NUP205: variants seen among roughly 807,000 people sequenced by gnomAD.
NUP205 encodes the protein nucleoporin 205, also known as nuclear pore complex protein Nup205.
A neutral mutation model predicts 253.8 loss-of-function variants in NUP205; 76 were observed. The ratio of observed to expected loss-of-function variants is 0.30; its 90% CI spans 0.25 to 0.36. The LOEUF (loss-of-function observed/expected upper bound fraction) is 0.36. Ranked by LOEUF, NUP205 falls within the 10% of genes least tolerant of loss-of-function variation. The probability of loss-of-function intolerance (pLI) is 1.00; values close to 1 mark genes in which losing one functional copy is unlikely to be tolerated. For synonymous variants in NUP205, 832 were observed against 850.1 expected (o/e 0.98, Z 0.37); for missense variants, 2,162 against 2,425.5 (o/e 0.89, Z 2.28).
At chr7:135,614,059 C>G in intron 22 of NUP205, 100 bp from the exon 23 acceptor site, 1 of 626,968 alleles carries the variant, frequency 1.6e-6, no homozygotes, top group Admixed American at 3.0e-5. Flanking sequence ...TTGATGGGTC[C>G]TAGTTTTTCA....
intron 36 of NUP205, 151 bp from the exon 37 acceptor site, chr7:135,637,780 A>G (rs768348111): frequency 1.1e-4 from 63 of 585,034 alleles, no homozygotes; most frequent in Non-Finnish European, 1.6e-4. Context: ...AATTTTAATA[A>G]TGCTACTTTT....
chr7:135,573,952 T>G, intron 3 of NUP205, 127 bp downstream of exon 3: 1 of 740,006 alleles, frequency 1.4e-6, no homozygotes, highest in Non-Finnish European at 2.1e-6. Flanking sequence ...AAAACCATAT[T>G]CAAAATATTT....
At chr7:135,582,538 T>C (rs543789680) in intron 7 of NUP205, among the ~76,000 whole-genome samples, 85 of 152,152 alleles carry the variant, frequency 5.6e-4, no homozygotes, top group African/African-American at 2.0e-3. Flanking sequence ...CAGGCTGGAG[T>C]GCAGTGGTGT....
chr7:135,606,570 A>G (rs1794090056), intron 20 of NUP205, among the ~76,000 whole-genome samples, 181 bp from the exon 21 acceptor site: 1 of 152,218 alleles, frequency 6.6e-6, no homozygotes, highest in Admixed American at 6.5e-5. Flanking sequence ...AGAGTACTCA[A>G]CTTGTAAATT....
At chr7:135,581,087 A>C (rs1269338536) in intron 7 of NUP205, among the ~76,000 whole-genome samples, 1 of 152,184 alleles carries the variant, frequency 6.6e-6, no homozygotes, top group African/African-American at 2.4e-5. Context: ...GCATTTTAAA[A>C]ATTGTTAGAA....
chr7:135,624,310 TC>T (rs1415185877), intron 31 of NUP205, among the ~76,000 whole-genome samples: 3 of 151,666 alleles, frequency 2.0e-5, no homozygotes, highest in African/African-American at 7.3e-5. Flanking sequence ...CAAGCAATTC[TC>T]CTGCCTCAGC....
At position 135,645,602 on chromosome 7, in the gene NUP205, C is replaced by A; in HGVS notation, c.5812+6C>A. The A allele has an allele frequency of 6.2e-7, 1 of 1,608,374 alleles. No individual in the cohort carries two copies. The highest frequency in any genetic ancestry group is 1.1e-5 in the South Asian group (1 of 90,204). ...TAAAAGCAGAAGACTGCAAGGTAAA[C>A]TTTCTGCTAAAAATTAATGAACCAT... On this transcript the variant is annotated splice_donor_region_variant and intron_variant, in intron 41 of 42. Coordinates refer to ENST00000285968, the MANE Select transcript of NUP205 (RefSeq NM_015135.3).
At chr7:135,637,885 G>A (rs748050633) in intron 36 of NUP205, 46 bp from the exon 37 acceptor site, 1 of 1,556,750 alleles carries the variant, frequency 6.4e-7, no homozygotes, top group Non-Finnish European at 8.7e-7. Flanking sequence ...AGAAAGAGAG[G>A]TTACTAATTT....
At position 135,597,368 on chromosome 7, in the gene NUP205, A is replaced by G; in HGVS notation, c.2014A>G (p.Ile672Val). ...SLWQSLEYTQ[I>V]LQTVRIPSQR... ...GACATCTACTTCTTACTATTTTAAG[A>G]TACTGCAGACCGTGAGGATTCCAAG... Residue 672 changes from isoleucine (I) to valine (V), a missense_variant and splice_region_variant, in exon 14 of 43, where the codon ATA (isoleucine) becomes GTA (valine). Physicochemically the swap from Ile to Val is conservative, Grantham distance 29. Around this residue, in one of 5 missense-constraint regions of NUP205, gnomAD observed 892 missense variants for 957.1 expected, o/e 0.93. Transcript: ENST00000285968. 1.9e-6 allele frequency: 3 copies of G among 1,608,496 alleles called. No homozygotes were observed. The highest frequency in any genetic ancestry group is 2.6e-6 in the Non-Finnish European group (3 of 1,175,046).
chr7:135,561,128 T>G (rs553570966), intron 1 of NUP205, among the ~76,000 whole-genome samples: 7 of 152,256 alleles, frequency 4.6e-5, no homozygotes, highest in Non-Finnish European at 1.0e-4. Flanking sequence ...GCAGATCACC[T>G]GAAGTCAGGA....
At chr7:135,582,721 A>G (rs1252702145) in intron 7 of NUP205, among the ~76,000 whole-genome samples, 1 of 152,132 alleles carries the variant, frequency 6.6e-6, no homozygotes, top group Admixed American at 6.5e-5. Flanking sequence ...TGTCTTGGCT[A>G]AGTGTTGGGA....
chr7:135,585,700 C>T (rs981513298), intron 8 of NUP205, among the ~76,000 whole-genome samples: 13 of 151,934 alleles, frequency 8.6e-5, no homozygotes, highest in African/African-American at 2.4e-4. Context: ...TACAGGCGCC[C>T]GCCACCACAC....
At chr7:135,583,944 C>A (rs1337940792) in intron 7 of NUP205, among the ~76,000 whole-genome samples, 5 of 150,882 alleles carry the variant, frequency 3.3e-5, no homozygotes, top group Non-Finnish European at 7.4e-5. Context: ...TGGGTTCAAG[C>A]GATTCTCCTG....
chr7:135,617,193 TATTGCTA>T lies in NUP205; in HGVS notation c.3638_3644del (p.Ile1213ThrfsTer23). 6.2e-7 allele frequency: 1 copy of T among 1,613,990 alleles called. No homozygotes were observed. Among genetic ancestry groups the T allele is most frequent in the Non-Finnish European group, 8.5e-7 (1 of 1,179,886 alleles). On this transcript the variant is annotated frameshift_variant, in exon 26 of 43. Coordinates refer to ENST00000285968, the MANE Select transcript of NUP205 (RefSeq NM_015135.3). LOFTEE classifies it high-confidence loss of function. Reference sequence around the variant, plus strand: ...TTGATCGGGCCCAGATTGAACAAGTTATTGCTAACTGTGAACACAAGAATTTACGGGG... The same window carrying T: ...TTGATCGGGCCCAGATTGAACAAGTTACTGTGAACACAAGAATTTACGGGG...
intron 10 of NUP205, 79 bp downstream of exon 10, chr7:135,588,071 G>A (rs770042696): frequency 8.7e-6 from 11 of 1,259,732 alleles, no homozygotes; most frequent in Non-Finnish European, 1.2e-5. Context: ...ATTACTTCCT[G>A]ATTTTATTGC....
chr7:135,647,833 T>C (rs139857803), intron 42 of NUP205, among the ~76,000 whole-genome samples: 81 of 152,336 alleles, frequency 5.3e-4, no homozygotes, highest in African/African-American at 1.8e-3. Flanking sequence ...TTTAGTCTTT[T>C]AGTATAACAT....
chr7:135,623,050 G>C (rs1374428544), intron 31 of NUP205, 125 bp downstream of exon 31: 1 of 902,748 alleles, frequency 1.1e-6, no homozygotes, highest in Non-Finnish European at 1.6e-6. Context: ...GGCCAAGGTG[G>C]GTGGATTTCT....
At position 135,617,664 on chromosome 7, in the gene NUP205, G is replaced by C. The variant is rs753025807; in HGVS notation, c.3753G>C (p.Gln1251His). 6.2e-6 allele frequency: 10 copies of C among 1,609,958 alleles called. No homozygotes were observed. Among genetic ancestry groups the C allele is most frequent in the Non-Finnish European group, 8.5e-6 (10 of 1,176,538 alleles). ...NALQGMAAIG[Q>H]RPLLMEEIST... ...TTCAGGGTATGGCAGCCATAGGACA[G>C]AGACCTCTACTAATGGAGGTAAGCT... is the stretch of plus-strand genomic sequence containing the variant. Residue 1251 changes from glutamine to histidine, a missense_variant, in exon 27 of 43, where the codon CAG becomes CAC. Transcript: ENST00000285968.
At chr7:135,643,681 G>C (rs1176219873) in intron 39 of NUP205, among the ~76,000 whole-genome samples, 2 of 152,056 alleles carry the variant, frequency 1.3e-5, no homozygotes, top group Non-Finnish European at 2.9e-5. Flanking sequence ...AATAGAACTT[G>C]GGTAAATGTC....
Sources: gnomAD v4.1 joint callset for allele counts (sites outside exome capture counted in the v4.1 genomes callset) on GRCh38, gnomAD v4.1.1 for gene constraint, gnomAD v4.1.1 regional missense constraint, MANE v1.5 for transcripts, NCBI Gene and HGNC (gene_info 2026-07-23, HGNC 2026-07-21) for gene names.